ANKUB1: variants seen among roughly 807,000 people sequenced by gnomAD.
ANKUB1 encodes protein ANKUB1.
Under a neutral mutation model 49.3 loss-of-function variants are expected in ANKUB1, and 42 were observed. That is an observed-to-expected ratio of 0.85 (90% CI 0.67 to 1.10). ANKUB1 has a LOEUF of 1.10. Among genes scored for constraint, ANKUB1 ranks in the 50% least tolerant of loss-of-function variants. The pLI is 0.00. For missense variants in ANKUB1, 613 were observed against 642.0 expected (o/e 0.95, Z 0.49); for synonymous variants, 222 against 231.0 (o/e 0.96, Z 0.35).
rs1407459625 is a variant in ANKUB1 at position 149,763,950 on chromosome 3, T to G, written c.1506-2337A>C. ...ATGTGGTCCAACAAGTACTTTCACATGATGCCAGATGACTTGTCTGCTTTG... is the reference window on the plus strand; with the variant it reads ...ATGTGGTCCAACAAGTACTTTCACAGGATGCCAGATGACTTGTCTGCTTTG... On this transcript the variant is annotated intron_variant, in intron 5 of 5. Coordinates refer to ENST00000446160, the MANE Select transcript of ANKUB1 (RefSeq NM_001144960.3). 1.1e-5 allele frequency: 5 copies of G among 456,160 alleles called. No homozygotes were observed. The Admixed American group carries it at 1.2e-4, about 11-fold the overall frequency. The allele number at this position is 456,160 out of a possible 1,614,324, so 28.3% of individuals were successfully genotyped here.
Position 149,790,659 on chromosome 3 carries a change from T to C in ANKUB1, c.234+122A>G, listed in dbSNP as rs149836426. ...GTAAGACCTGTTATACAAATGGAAG[T>C]GAGGAGAAGGCAAAAAGAGACAATT... On this transcript the variant is annotated intron_variant, in intron 2 of 5. Transcript: ENST00000446160. 5.4e-3 allele frequency: 5,252 copies of C among 965,024 alleles called. 37 individuals carry two copies. The highest frequency in any genetic ancestry group is 6.4e-3 in the Non-Finnish European group (4,256 of 665,776). The allele number at this position is 965,024 out of a possible 1,614,324, so 59.8% of individuals were successfully genotyped here. A position where few individuals can be genotyped will look rare whatever the true frequency, so the allele number is the denominator to read the frequency against.
chr3:149,779,203 G>T (rs907113163), intron 3 of ANKUB1: 8 of 150,372 alleles, frequency 5.3e-5, no homozygotes, highest in Non-Finnish European at 7.4e-5. Context: ...TCGAGACAGG[G>T]TCTTGCTGTC....
chr3:149,790,191 T>C (rs995520898), intron 2 of ANKUB1, among the ~76,000 whole-genome samples: 7 of 152,180 alleles, frequency 4.6e-5, no homozygotes, highest in Admixed American at 4.6e-4. Context: ...TCAGAAAATC[T>C]CCAGGCACAT....
At position 149,784,463 on chromosome 3, in the gene ANKUB1, A is replaced by C. The variant is rs572171054; in HGVS notation, c.235-4008T>G. Among the ~76,000 whole-genome samples the C allele has an allele frequency of 2.6e-5, 4 of 152,264 alleles. No homozygotes were observed. In the East Asian group the frequency reaches 7.7e-4, roughly 29 times the overall value. ...CACAGGAAAGTCTCTAGGCAATGGC[A>C]TTTCTGAAGTTGCCGGCCTGGCAGC... On this transcript the variant is annotated intron_variant, in intron 2 of 5. Coordinates refer to ENST00000446160, the MANE Select transcript of ANKUB1 (RefSeq NM_001144960.3).
At chr3:149,768,156 G>T in intron 4 of ANKUB1, 61 bp from the exon 5 acceptor site, 2 of 1,108,504 alleles carry the variant, frequency 1.8e-6, no homozygotes, top group Non-Finnish European at 1.2e-6. Flanking sequence ...GACAAATGTA[G>T]TTACACTAAA....
chr3:149,772,974 C>T lies in ANKUB1; in HGVS notation c.452-2300G>A, dbSNP rs114039883. Among the ~76,000 whole-genome samples the T allele has an allele frequency of 3.6e-3, 550 of 152,278 alleles. 6 individuals carry two copies. The highest frequency in any genetic ancestry group is 6.7e-3 in the Non-Finnish European group (459 of 68,014). On this transcript the variant is annotated intron_variant, in intron 3 of 5. Transcript: ENST00000446160. ...AAAGGTGAAGATAGATCTTAAAAGACCAGCCCACTCAGCAGCCCCCTTTTA... is the reference window on the plus strand; with the variant it reads ...AAAGGTGAAGATAGATCTTAAAAGATCAGCCCACTCAGCAGCCCCCTTTTA...
intron 1 of ANKUB1, among the ~76,000 whole-genome samples, chr3:149,791,462 G>T (rs78219270): frequency 0.028 from 4,315 of 152,126 alleles, 84 homozygotes; most frequent in Non-Finnish European, 0.036. Flanking sequence ...TTTATTTTAT[G>T]CATTTAAAGA....
intron 1 of ANKUB1, among the ~76,000 whole-genome samples, chr3:149,791,283 A>G (rs1718346666): frequency 6.6e-6 from 1 of 152,214 alleles, no homozygotes; most frequent in Admixed American, 6.6e-5. Context: ...ATTTCAAAAT[A>G]TTATTTCTAC....
chr3:149,790,633 CG>C (rs1718318188), intron 2 of ANKUB1, 147 bp downstream of exon 2: 3 of 776,278 alleles, frequency 3.9e-6, no homozygotes, highest in Non-Finnish European at 6.0e-6. Context: ...ACAAAGCATG[CG>C]TAAGACCTGT....
intron 2 of ANKUB1, among the ~76,000 whole-genome samples, chr3:149,789,866 G>T (rs1022504219): frequency 3.5e-4 from 53 of 152,088 alleles, no homozygotes; most frequent in Non-Finnish European, 6.9e-4. Flanking sequence ...CTGACCTCAT[G>T]ATCTTCCCAC....
At chr3:149,784,778 A>G (rs550449862) in intron 2 of ANKUB1, among the ~76,000 whole-genome samples, 75 of 152,336 alleles carry the variant, frequency 4.9e-4, no homozygotes, top group African/African-American at 1.8e-3. Flanking sequence ...GAAAAATGGG[A>G]TATGCCACAG....
intron 2 of ANKUB1, among the ~76,000 whole-genome samples, chr3:149,785,431 C>T (rs1168664910): frequency 6.6e-6 from 1 of 151,686 alleles, no homozygotes; most frequent in African/African-American, 2.4e-5. Context: ...CCACGACAGG[C>T]CGCAGTGTGT....
chr3:149,770,706 A>C, intron 3 of ANKUB1, 32 bp from the exon 4 acceptor site: 3 of 1,353,362 alleles, frequency 2.2e-6, no homozygotes, highest in Non-Finnish European at 3.0e-6. Context: ...TTATGGTTCC[A>C]GTCCAGCAGT....
At chr3:149,787,376 T>C (rs895857118) in intron 2 of ANKUB1, among the ~76,000 whole-genome samples, 1 of 152,196 alleles carries the variant, frequency 6.6e-6, no homozygotes, top group East Asian at 1.9e-4. Flanking sequence ...TCTCTGTCTG[T>C]TATAGGTGTA....
chr3:149,776,890 T>C (rs1162131926), intron 3 of ANKUB1, among the ~76,000 whole-genome samples: 1 of 151,858 alleles, frequency 6.6e-6, no homozygotes, highest in African/African-American at 2.4e-5. Flanking sequence ...GGTGAGAGAA[T>C]CACTCAAATC....
intron 1 of ANKUB1, 21 bp downstream of exon 1, chr3:149,792,256 G>C: frequency 1.4e-6 from 2 of 1,450,632 alleles, no homozygotes. Context: ...CATTTTGGTG[G>C]TTTGGGAACG....
chr3:149,765,031 T>G (rs1716952128), intron 5 of ANKUB1, among the ~76,000 whole-genome samples: 2 of 152,204 alleles, frequency 1.3e-5, no homozygotes, highest in African/African-American at 4.8e-5. Flanking sequence ...TCATGCATTT[T>G]TATTCAAAGT....
chr3:149,782,717 A>G (rs115311515), intron 2 of ANKUB1, among the ~76,000 whole-genome samples: 3,203 of 151,682 alleles, frequency 0.021, 108 homozygotes, highest in African/African-American at 0.075. Context: ...TTAAATTCTT[A>G]TTTGTAGAGA....
At position 149,767,754 on chromosome 3, in the gene ANKUB1, A is replaced by G. The variant is rs1037192947; in HGVS notation, c.908T>C (p.Phe303Ser). The G allele has an allele frequency of 6.4e-7, 1 of 1,551,624 alleles. No homozygotes were observed. The highest frequency in any genetic ancestry group is 8.7e-7 in the Non-Finnish European group (1 of 1,146,934). ...CCTCATTGGGACTGAAATTTTTGGA[A>G]AAGAAACTGTGGACCACATTTTACT... ...LLSKMWSTVSFPKISVPMRIY... is the reference protein window; with the variant it reads ...LLSKMWSTVSSPKISVPMRIY... The change falls in exon 5 of 6, where the codon TTT (phenylalanine) becomes TCT (serine). Residue 303 changes from phenylalanine to serine, a missense_variant. Coordinates refer to ENST00000446160, the MANE Select transcript of ANKUB1 (RefSeq NM_001144960.3).
Sources: gnomAD v4.1 joint callset for allele counts (sites outside exome capture counted in the v4.1 genomes callset) on GRCh38, gnomAD v4.1.1 for gene constraint, MANE v1.5 for transcripts, NCBI Gene and HGNC (gene_info 2026-07-23, HGNC 2026-07-21) for gene names.